GRIK4: variants seen among roughly 807,000 people sequenced by gnomAD.
The protein encoded by GRIK4 is glutamate ionotropic receptor kainate type subunit 4, also known as glutamate receptor ionotropic, kainate 4.
In GRIK4, 40 loss-of-function variants were observed where a neutral mutation model predicts 104.9. That is an observed-to-expected ratio of 0.38 (90% CI 0.30 to 0.50). GRIK4 has a LOEUF of 0.50. GRIK4 is among the 20% of genes least tolerant of loss of function. GRIK4 has a pLI of 0.93. For missense variants in GRIK4, 1,047 were observed against 1,308.1 expected, an observed-to-expected ratio of 0.80 and a Z score of 3.08; for synonymous variants, 485 against 524.9, an observed-to-expected ratio of 0.92 and a Z score of 1.04.
chr11:120,764,028 A>G (rs1248639497), intron 3 of GRIK4, among the ~76,000 whole-genome samples: 1 of 152,146 alleles, frequency 6.6e-6, no homozygotes, highest in African/African-American at 2.4e-5. Context: ...TGATCTGTCT[A>G]ATATTGACAG....
chr11:120,830,473 T>C (rs911698743), intron 6 of GRIK4, among the ~76,000 whole-genome samples: 2 of 152,170 alleles, frequency 1.3e-5, no homozygotes, highest in South Asian at 2.1e-4. Context: ...CTTTTTGGCC[T>C]GGGTGGTGAG....
In GRIK4 at chr11:120,971,991, A is replaced by G. The variant is rs545232614; in HGVS notation, c.2395+4668A>G. 1.8e-4 allele frequency among the ~76,000 whole-genome samples: 27 copies of G among 152,236 alleles called. 1 individual carries two copies. The highest frequency in any genetic ancestry group is 1.3e-3 in the Admixed American group (20 of 15,286). ...ATGGGAGCTGCTGGGGATCTAGGAC[A>G]TTGTGTAGAGCAGCCTACTTGTTCA... is the stretch of plus-strand genomic sequence containing the variant. On this transcript the variant is annotated intron_variant, in intron 19 of 20. Transcript: ENST00000527524.
intron 1 of GRIK4, among the ~76,000 whole-genome samples, chr11:120,556,754 T>C (rs922134268): frequency 3.3e-5 from 5 of 152,190 alleles, no homozygotes; most frequent in Admixed American, 2.6e-4. Context: ...TTTTTAAAAC[T>C]GTGCTCCATA....
chr11:120,836,916 G>A, intron 8 of GRIK4, 72 bp downstream of exon 8: 4 of 1,020,908 alleles, frequency 3.9e-6, no homozygotes, highest in Non-Finnish European at 6.2e-6. Context: ...GATTATAAGG[G>A]AAAAAGCCCA....
intron 12 of GRIK4, among the ~76,000 whole-genome samples, chr11:120,901,366 T>C (rs1412136184): frequency 6.6e-6 from 1 of 151,950 alleles, no homozygotes; most frequent in Non-Finnish European, 1.5e-5. Context: ...CACATGCTGT[T>C]CCTTATGCCT....
intron 3 of GRIK4, among the ~76,000 whole-genome samples, chr11:120,723,214 G>A (rs1950964457): frequency 6.6e-6 from 1 of 152,120 alleles, no homozygotes; most frequent in Admixed American, 6.5e-5. Context: ...AGGGCTCTTG[G>A]GAACAATATT....
intron 1 of GRIK4, among the ~76,000 whole-genome samples, chr11:120,593,753 T>C (rs1565565104): frequency 1.3e-5 from 2 of 152,206 alleles, no homozygotes; most frequent in Admixed American, 6.5e-5. Context: ...CCTCCATATA[T>C]CCTAAACATG....
chr11:120,944,150 GTC>G (rs758823300), intron 14 of GRIK4, among the ~76,000 whole-genome samples: 3 of 149,262 alleles, frequency 2.0e-5, no homozygotes, highest in African/African-American at 4.9e-5. Flanking sequence ...CTCTCTCTCT[GTC>G]TCTCTCTCTC....
At chr11:120,676,889 G>A (rs939782295) in intron 3 of GRIK4, among the ~76,000 whole-genome samples, 5 of 152,226 alleles carry the variant, frequency 3.3e-5, no homozygotes, top group Admixed American at 1.3e-4. Flanking sequence ...TACAACAACT[G>A]TTCTTGTAAT....
chr11:120,627,699 C>G (rs542879114), intron 1 of GRIK4, among the ~76,000 whole-genome samples: 4 of 152,204 alleles, frequency 2.6e-5, no homozygotes, highest in Non-Finnish European at 5.9e-5. Context: ...GGCTTGGGGC[C>G]CTGGTGTAGC....
At chr11:120,593,711 T>A (rs924465198) in intron 1 of GRIK4, among the ~76,000 whole-genome samples, 2 of 152,218 alleles carry the variant, frequency 1.3e-5, no homozygotes, top group African/African-American at 4.8e-5. Context: ...CAGTTCCATC[T>A]ATCTATCTAC....
At chr11:120,982,287 G>T in intron 20 of GRIK4, 63 bp downstream of exon 20, 1 of 881,440 alleles carries the variant, frequency 1.1e-6, no homozygotes. Context: ...ACAGGCTCAT[G>T]CACATATAAG....
chr11:120,513,773 G>T lies in GRIK4; in HGVS notation c.-159+1886G>T, dbSNP rs551615236. Among the ~76,000 whole-genome samples, 35 of 152,314 alleles carry T rather than the reference G, an allele frequency of 2.3e-4. No homozygotes were observed. The highest frequency in any genetic ancestry group is 8.2e-4 in the African/African-American group (34 of 41,560). ...AGGCAGCACTGGTCCCTCCGGGTGG[G>T]GAAGAGGTGGATGCTCGGGAGGGGA... On this transcript the variant is annotated intron_variant, in intron 1 of 20. Transcript: ENST00000527524. This position sits in a 1 kb window ranked among gnomAD's most constrained non-coding sequence, Gnocchi z 4.5.
intron 14 of GRIK4, among the ~76,000 whole-genome samples, chr11:120,941,102 G>A (rs1264748582): frequency 6.6e-6 from 1 of 152,192 alleles, no homozygotes; most frequent in Non-Finnish European, 1.5e-5. Context: ...AGTCACCCTG[G>A]CTGGGTCTCA....
chr11:120,712,713 A>G (rs1018177324), intron 3 of GRIK4, among the ~76,000 whole-genome samples: 2 of 151,758 alleles, frequency 1.3e-5, no homozygotes, highest in African/African-American at 4.8e-5. Context: ...TTGAGTCCAA[A>G]TCTCAGCCTT....
chr11:120,650,495 A>C (rs1949602779), intron 1 of GRIK4, among the ~76,000 whole-genome samples: 1 of 152,228 alleles, frequency 6.6e-6, no homozygotes, highest in East Asian at 1.9e-4. Flanking sequence ...TGCTCTTCGC[A>C]TCCCCCCTCC....
intron 11 of GRIK4, among the ~76,000 whole-genome samples, chr11:120,875,467 TG>T: frequency 6.6e-6 from 1 of 151,952 alleles, no homozygotes; most frequent in Non-Finnish European, 1.5e-5. Context: ...AGGAGAGAAC[TG>T]GGGTGAAAGG....
Position 120,903,381 on chromosome 11 carries a change from C to T in GRIK4, c.1273-1909C>T, listed in dbSNP as rs1413066980. On this transcript the variant is annotated intron_variant, in intron 12 of 20. Transcript: ENST00000527524. The surrounding 1 kb of genome is among the most constrained non-coding windows in gnomAD (Gnocchi z 4.4). ...AGCACAACTCTGGGGCCAGCACGAG[C>T]TCCCTTCTCTCTGTGAACCCACCCA... Among the ~76,000 whole-genome samples the T allele has an allele frequency of 6.6e-6, 1 of 152,134 alleles. No homozygotes were observed.
At chr11:120,950,291 T>C (rs557315149) in intron 14 of GRIK4, among the ~76,000 whole-genome samples, 5 of 152,306 alleles carry the variant, frequency 3.3e-5, no homozygotes, top group African/African-American at 9.6e-5. Flanking sequence ...TTTGTTTATG[T>C]CATGGTTTTT....
Sources: gnomAD v4.1 joint callset for allele counts (sites outside exome capture counted in the v4.1 genomes callset) on GRCh38, gnomAD v4.1.1 for gene constraint, Gnocchi (gnomAD v3.1) non-coding constraint, MANE v1.5 for transcripts, NCBI Gene and HGNC (gene_info 2026-07-23, HGNC 2026-07-21) for gene names.